Variants in RCOR1 observed in about 807,000 individuals in gnomAD.
RCOR1 encodes the protein REST corepressor 1.
A neutral mutation model predicts 64.0 loss-of-function variants in RCOR1; 12 were observed. The observed-to-expected ratio is 0.19, with a 90% confidence interval of 0.12 to 0.30. RCOR1 has a LOEUF of 0.30. Ranked by LOEUF, RCOR1 falls within the 10% of genes least tolerant of loss-of-function variation. The pLI is 1.00. For synonymous variants in RCOR1, 279 were observed against 227.2 expected (o/e 1.23, Z -2.05); for missense variants, 502 against 621.2 (o/e 0.81, Z 2.04).
intron 11 of RCOR1, among the ~76,000 whole-genome samples, chr14:102,725,123 C>G (rs1311397624): frequency 6.6e-6 from 1 of 152,160 alleles, no homozygotes; most frequent in Non-Finnish European, 1.5e-5. Flanking sequence ...CAACCTTACA[C>G]TGAAGAAAGG....
chr14:102,603,552 G>A (rs3950014), intron 2 of RCOR1, among the ~76,000 whole-genome samples: 121,053 of 152,026 alleles, frequency 0.8, 48,446 homozygotes, highest in Middle Eastern at 0.87. Flanking sequence ...CTGGCCCAGG[G>A]GTGTCTGTAA....
intron 2 of RCOR1, chr14:102,656,129 AT>A (rs201549580): frequency 1.1e-5 from 11 of 978,934 alleles, no homozygotes; most frequent in Non-Finnish European, 1.3e-5. Flanking sequence ...CTTTGCTGAG[AT>A]TTTTTTATTT....
chr14:102,624,303 A>C (rs1188487997), intron 2 of RCOR1, among the ~76,000 whole-genome samples: 31 of 152,046 alleles, frequency 2.0e-4, no homozygotes. Context: ...CAGGAGTTCA[A>C]GACCAGCCTG....
At chr14:102,688,190 T>C (rs1366498501) in intron 3 of RCOR1, among the ~76,000 whole-genome samples, 1 of 152,180 alleles carries the variant, frequency 6.6e-6, no homozygotes, top group Non-Finnish European at 1.5e-5. Flanking sequence ...GGTCTTGAAC[T>C]CCTGACCTCA....
In RCOR1 at chr14:102,692,759, T is replaced by TCCTTCC. The variant is rs201787843; in HGVS notation, c.446-8519_446-8518insCCTTCC. 1.1e-3 allele frequency among the ~76,000 whole-genome samples: 97 copies of TCCTTCC among 89,818 alleles called. 1 individual carries two copies. Among genetic ancestry groups the TCCTTCC allele is most frequent in the African/African-American group, 3.2e-3 (83 of 25,580 alleles). 58.9% of individuals were successfully genotyped at this position (89,818 alleles called of 152,430 possible). ...TTCCTTCCTTCCTTCCTTCCTTCTT[T>TCCTTCC]TTCTTTTTCTTTTTTTTTTTTTTTT... On this transcript the variant is annotated intron_variant, in intron 3 of 11. Coordinates refer to ENST00000262241, the MANE Select transcript of RCOR1 (RefSeq NM_015156.4).
In RCOR1 at chr14:102,624,887, T is replaced by C. The variant is rs1289427027; in HGVS notation, c.361+31562T>C. ...CCAATACCTACACTTCCCTTTTGTTTTTTCTGGAAGTCTTCCCCTTTTTCC... is the reference window on the plus strand; with the variant it reads ...CCAATACCTACACTTCCCTTTTGTTCTTTCTGGAAGTCTTCCCCTTTTTCC... On this transcript the variant is annotated intron_variant, in intron 2 of 11. Transcript: ENST00000262241. Among the ~76,000 whole-genome samples the C allele has an allele frequency of 4.6e-5, 7 of 152,120 alleles. No homozygotes were observed. In the East Asian group the frequency reaches 1.3e-3, roughly 29 times the overall value.
At chr14:102,630,819 T>G (rs1199526076) in intron 2 of RCOR1, among the ~76,000 whole-genome samples, 1 of 152,152 alleles carries the variant, frequency 6.6e-6, no homozygotes, top group African/African-American at 2.4e-5. Flanking sequence ...ATTTAATGGC[T>G]TAAAACAACT....
chr14:102,607,987 C>T (rs1893549399), intron 2 of RCOR1, among the ~76,000 whole-genome samples: 1 of 151,790 alleles, frequency 6.6e-6, no homozygotes, highest in Admixed American at 6.6e-5. Context: ...ACCGGGGAGG[C>T]AGAGGTTGCC....
chr14:102,593,913 C>G (rs963454336), intron 2 of RCOR1, among the ~76,000 whole-genome samples: 2 of 152,140 alleles, frequency 1.3e-5, no homozygotes, highest in Admixed American at 6.5e-5. Context: ...AAGAGAGTCT[C>G]GCGTGTGGCA....
intron 2 of RCOR1, among the ~76,000 whole-genome samples, chr14:102,598,676 C>T (rs1305806559): frequency 7.9e-5 from 12 of 151,586 alleles, no homozygotes; most frequent in Non-Finnish European, 1.8e-4. Context: ...TCTCAATCTC[C>T]TGACCTCGTG....
At chr14:102,630,861 G>T (rs529712755) in intron 2 of RCOR1, among the ~76,000 whole-genome samples, 8 of 152,274 alleles carry the variant, frequency 5.3e-5, no homozygotes, top group African/African-American at 1.9e-4. Context: ...CAGGTGGGCA[G>T]TTGTGGTTCT....
chr14:102,722,534 T>G (rs1487983924), intron 11 of RCOR1, 118 bp downstream of exon 11: 1 of 744,302 alleles, frequency 1.3e-6, no homozygotes, highest in Admixed American at 2.8e-5. Context: ...TATTAGTAAC[T>G]TCACTCTTAC....
intron 2 of RCOR1, chr14:102,662,528 G>A: frequency 2.0e-6 from 1 of 505,536 alleles, no homozygotes; most frequent in South Asian, 1.5e-5. Flanking sequence ...GCTCTTCTGA[G>A]GATATTTGGG....
intron 2 of RCOR1, among the ~76,000 whole-genome samples, chr14:102,636,310 T>G (rs927217462): frequency 1.3e-5 from 2 of 151,060 alleles, no homozygotes; most frequent in Non-Finnish European, 2.9e-5. Flanking sequence ...GGAGTTTTGC[T>G]CTTGTCGCCC....
intron 2 of RCOR1, among the ~76,000 whole-genome samples, chr14:102,664,576 C>T (rs1016725322): frequency 1.3e-5 from 2 of 152,194 alleles, no homozygotes; most frequent in Non-Finnish European, 2.9e-5. Context: ...GAGTGGGTGG[C>T]ATTCCAGAGA....
intron 2 of RCOR1, chr14:102,659,386 C>T (rs1295097472): frequency 7.2e-6 from 3 of 417,064 alleles, no homozygotes; most frequent in African/African-American, 6.5e-5. Context: ...TGGTGGGTAA[C>T]AATATTAACA....
intron 2 of RCOR1, among the ~76,000 whole-genome samples, chr14:102,645,077 C>G (rs555724462): frequency 6.6e-6 from 1 of 152,264 alleles, no homozygotes; most frequent in South Asian, 2.1e-4. Context: ...TTTGTGGGCT[C>G]TCTCTGTGTC....
Position 102,714,410 on chromosome 14 carries a change from G to A in RCOR1, c.859-13G>A, listed in dbSNP as rs1896023035. Reference sequence around the variant, plus strand: ...TTTTTAAGTTTCATTCATCACCTGTGTATATCATGCAGGTTCCCCCTACTG... The same window carrying A: ...TTTTTAAGTTTCATTCATCACCTGTATATATCATGCAGGTTCCCCCTACTG... On this transcript the variant is annotated splice_polypyrimidine_tract_variant and intron_variant, in intron 7 of 11. Transcript: ENST00000262241. The A allele has an allele frequency of 1.3e-6, 2 of 1,569,084 alleles. No homozygotes were observed. Among genetic ancestry groups the A allele is most frequent in the East Asian group, 4.5e-5 (2 of 44,524 alleles).
At chr14:102,616,204 ATATGTGTGTGTGTGTGTG>A (rs1567409051) in intron 2 of RCOR1, among the ~76,000 whole-genome samples, 5 of 128,808 alleles carry the variant, frequency 3.9e-5, no homozygotes, top group African/African-American at 1.5e-4. Context: ...ATACATGTGT[ATATGTGTGTGTGTGTGTG>A]TGTGTGTGTG....
Sources: allele counts gnomAD v4.1 joint callset (sites outside exome capture counted in the v4.1 genomes callset), GRCh38; gene constraint gnomAD v4.1.1; transcripts MANE v1.5; gene names NCBI Gene and HGNC (gene_info 2026-07-23, HGNC 2026-07-21).